CTNNA2: variants seen among roughly 807,000 people sequenced by gnomAD.
CTNNA2 encodes catenin alpha-2.
Under a neutral mutation model 101.0 loss-of-function variants are expected in CTNNA2, and 42 were observed. The observed-to-expected ratio is 0.42, with a 90% CI of 0.32 to 0.54. The LOEUF is 0.54. CTNNA2 is among the 20% of genes least tolerant of loss of function. CTNNA2 has a pLI of 0.14. For synonymous variants in CTNNA2, 450 were observed against 456.4 expected, an observed-to-expected ratio of 0.99 and a Z score of 0.18; for missense variants, 871 against 1,223.1, an observed-to-expected ratio of 0.71 and a Z score of 4.29.
intron 7 of CTNNA2, among the ~76,000 whole-genome samples, chr2:80,072,540 C>T (rs573381817): frequency 2.2e-4 from 34 of 152,290 alleles, no homozygotes; most frequent in African/African-American, 7.7e-4. Flanking sequence ...TGCATGCTTA[C>T]TGTAAATACA....
intron 7 of CTNNA2, among the ~76,000 whole-genome samples, chr2:80,186,688 A>C (rs1187174564): frequency 7.9e-5 from 12 of 152,206 alleles, no homozygotes. Context: ...TTGATCGTTC[A>C]TACCTCTTTG....
At chr2:80,053,708 C>T (rs1697031011) in intron 7 of CTNNA2, among the ~76,000 whole-genome samples, 1 of 152,192 alleles carries the variant, frequency 6.6e-6, no homozygotes, top group Non-Finnish European at 1.5e-5. Flanking sequence ...ACACTTACAA[C>T]CTCCCTGAAT....
chr2:80,009,315 C>G (rs1693600570), intron 7 of CTNNA2, among the ~76,000 whole-genome samples: 1 of 152,148 alleles, frequency 6.6e-6, no homozygotes, highest in Non-Finnish European at 1.5e-5. Context: ...TTTCTCTCCC[C>G]CAACATCATT....
Position 79,413,659 on chromosome 2 carries a change from T to C in CTNNA2, c.-135+39646T>C, listed in dbSNP as rs927085263. 5.3e-5 allele frequency among the ~76,000 whole-genome samples: 8 copies of C among 152,028 alleles called. No individual in the cohort carries two copies. In the South Asian group the frequency reaches 1.2e-3, roughly 24 times the overall value. ...GTCATACTGTTTAACATAATGATTA[T>C]AGTAATTTTCATTTCCACCAATAGT... On this transcript the variant is annotated intron_variant, in intron 4 of 21. Transcript: ENST00000466387.
chr2:80,505,921 A>G (rs1688243659), intron 9 of CTNNA2, among the ~76,000 whole-genome samples: 1 of 152,300 alleles, frequency 6.6e-6, no homozygotes, highest in East Asian at 1.9e-4. Context: ...AAAGATCTGT[A>G]AGGCAGCCTC....
At chr2:79,946,304 C>T (rs1176293099) in intron 7 of CTNNA2, among the ~76,000 whole-genome samples, 4 of 152,050 alleles carry the variant, frequency 2.6e-5, no homozygotes, top group Admixed American at 2.0e-4. Context: ...CTCCTTATTC[C>T]GTTTCATATT....
At chr2:80,441,221 A>G (rs1384320564) in intron 9 of CTNNA2, among the ~76,000 whole-genome samples, 1 of 152,066 alleles carries the variant, frequency 6.6e-6, no homozygotes, top group Non-Finnish European at 1.5e-5. Flanking sequence ...CAGTGGGTAA[A>G]ATTTTGAGGT....
chr2:79,267,863 G>A (rs997844772), intron 2 of CTNNA2, among the ~76,000 whole-genome samples: 2 of 152,136 alleles, frequency 1.3e-5, no homozygotes, highest in Admixed American at 6.6e-5. Flanking sequence ...GCTCCTTGGA[G>A]CTTGGACACA....
chr2:79,235,971 G>T (rs959148097), intron 2 of CTNNA2, among the ~76,000 whole-genome samples: 5 of 152,170 alleles, frequency 3.3e-5, no homozygotes, highest in Non-Finnish European at 7.3e-5. Context: ...GGACTTCTTG[G>T]CTGGAAGCTC....
chr2:79,534,823 T>A (rs1009809500), intron 1 of CTNNA2, among the ~76,000 whole-genome samples: 1 of 151,966 alleles, frequency 6.6e-6, no homozygotes, highest in Non-Finnish European at 1.5e-5. Context: ...TTCAAATATG[T>A]CAAGTTCTGG....
chr2:80,498,397 A>G (rs953072055), intron 9 of CTNNA2, among the ~76,000 whole-genome samples: 10 of 152,188 alleles, frequency 6.6e-5, no homozygotes, highest in African/African-American at 2.4e-4. Flanking sequence ...TGTCCTTATA[A>G]TGATTTTCTT....
chr2:79,809,941 G>A (rs879403023), intron 3 of CTNNA2, among the ~76,000 whole-genome samples: 77 of 151,864 alleles, frequency 5.1e-4, no homozygotes, highest in Non-Finnish European at 8.2e-4. Flanking sequence ...ATACGGAAAG[G>A]AAAAACCAGT....
intron 4 of CTNNA2, among the ~76,000 whole-genome samples, chr2:79,480,983 T>A (rs1239852615): frequency 2.6e-5 from 4 of 152,042 alleles, no homozygotes; most frequent in Non-Finnish European, 5.9e-5. Context: ...TTAATGTCCT[T>A]AGTAGGGTTT....
At chr2:80,477,591 A>C (rs1183454657) in intron 9 of CTNNA2, among the ~76,000 whole-genome samples, 1 of 152,108 alleles carries the variant, frequency 6.6e-6, no homozygotes, top group African/African-American at 2.4e-5. Context: ...TCCCATTTAT[A>C]AATGAGAACA....
intron 4 of CTNNA2, among the ~76,000 whole-genome samples, chr2:79,498,685 C>G (rs1012524327): frequency 3.9e-5 from 6 of 152,130 alleles, no homozygotes; most frequent in Non-Finnish European, 8.8e-5. Flanking sequence ...GCATGGCTAA[C>G]TACTTCATCG....
rs139687997 is a variant in CTNNA2, at chr2:80,252,775, G to C, written c.1057-140436G>C. ...TGATGTTATAATAGAAGTTATGCAA[G>C]CTCACGAGGTTACAAGAGGACTTGT... On this transcript the variant is annotated intron_variant, in intron 7 of 18. Transcript: ENST00000402739. Among the ~76,000 whole-genome samples the C allele has an allele frequency of 2.8e-4, 43 of 152,266 alleles. No individual in the cohort carries two copies. The East Asian group carries it at 7.5e-3, about 27-fold the overall frequency.
rs1414032530 is a variant in CTNNA2 at position 80,303,026 on chromosome 2, C to T, written c.1057-90185C>T. On this transcript the variant is annotated intron_variant, in intron 7 of 18. Transcript: ENST00000402739. This position sits in a 1 kb window ranked among gnomAD's most constrained non-coding sequence, Gnocchi z 7.7. ...GGGCTCCATGTACTCGATCTCGTTG[C>T]CCGACAAGTCCATTTTCTCCAGGTT... The T allele has an allele frequency of 1.2e-6, 2 of 1,613,614 alleles. No homozygotes were observed. Among genetic ancestry groups the T allele is most frequent in the Non-Finnish European group, 1.7e-6 (2 of 1,179,974 alleles).
At chr2:80,583,042 A>C (rs1695673368) in intron 14 of CTNNA2, among the ~76,000 whole-genome samples, 1 of 152,156 alleles carries the variant, frequency 6.6e-6, no homozygotes, top group Admixed American at 6.6e-5. Context: ...ATTAAAGACA[A>C]AGCCTTTGAT....
At chr2:79,319,427 T>G (rs1676567052) in intron 3 of CTNNA2, among the ~76,000 whole-genome samples, 1 of 152,180 alleles carries the variant, frequency 6.6e-6, no homozygotes, top group Admixed American at 6.5e-5. Context: ...TTTCTTCACC[T>G]TTCTTTTCAG....
Sources: allele counts gnomAD v4.1 joint callset (sites outside exome capture counted in the v4.1 genomes callset), GRCh38; gene constraint gnomAD v4.1.1; non-coding constraint Gnocchi (gnomAD v3.1); transcripts MANE v1.5; gene names NCBI Gene and HGNC (gene_info 2026-07-23, HGNC 2026-07-21).